SNIP1: variants seen among roughly 807,000 people sequenced by gnomAD.
SNIP1 encodes smad nuclear-interacting protein 1.
SNIP1 carries 23 observed loss-of-function variants against 37.4 expected under a neutral mutation model. The ratio of observed to expected loss-of-function variants is 0.61; its 90% CI spans 0.44 to 0.87. The LOEUF is 0.87. Ranked by LOEUF, SNIP1 falls within the 40% of genes least tolerant of loss-of-function variation. The probability of loss-of-function intolerance (pLI) is 0.00; values close to 1 mark genes in which losing one functional copy is unlikely to be tolerated. For missense variants in SNIP1, 459 were observed against 540.4 expected (o/e 0.85, Z 1.49); for synonymous variants, 174 against 200.0 (o/e 0.87, Z 1.10).
Position 37,552,733 on chromosome 1 carries a change from T to A in SNIP1, c.239A>T (p.Lys80Met). 6.2e-7 allele frequency: 1 copy of A among 1,614,094 alleles called. No individual in the cohort carries two copies. Among genetic ancestry groups the A allele is most frequent in the Non-Finnish European group, 8.5e-7 (1 of 1,179,916 alleles). Reference protein sequence around the residue: ...ARGVSRSPPKKKNKASGRRSK... With the variant: ...ARGVSRSPPKMKNKASGRRSK... Reference sequence around the variant, plus strand: ...TCTTCTCCCTGAGGCCTTGTTTTTCTTTTTGGGTGGGGACCTATTCAGAGC... The same window carrying A: ...TCTTCTCCCTGAGGCCTTGTTTTTCATTTTGGGTGGGGACCTATTCAGAGC... The change falls in exon 2 of 4, where the codon AAG (lysine) becomes ATG (methionine). Residue 80 changes from lysine to methionine, a missense_variant. Coordinates refer to ENST00000296215, the MANE Select transcript of SNIP1 (RefSeq NM_024700.4).
chr1:37,550,258 T>C (rs1483513526), intron 2 of SNIP1, among the ~76,000 whole-genome samples: 1 of 152,198 alleles, frequency 6.6e-6, no homozygotes, highest in Non-Finnish European at 1.5e-5. Context: ...TAAAAACTTT[T>C]GCTCTGAGAT....
rs199853899 is a variant in SNIP1 at position 37,537,611 on chromosome 1, A to G, written c.*137T>C. 1 of 931,246 alleles carries G rather than the reference A, an allele frequency of 1.1e-6. No individual in the cohort carries two copies. The highest frequency in any genetic ancestry group is 1.6e-6 in the Non-Finnish European group (1 of 612,980). 57.7% of individuals were successfully genotyped at this position (931,246 alleles called of 1,614,324 possible). A position where few individuals can be genotyped will look rare whatever the true frequency, so the allele number is the denominator to read the frequency against. On this transcript the variant is annotated 3_prime_UTR_variant, in exon 4 of 4. Transcript: ENST00000296215. ...AAATGGTAACACAATCTGGTCAGCA[A>G]CAGAGGAAAGACTTAAGGCAGTAAG...
Position 37,552,686 on chromosome 1 carries a change from T to C in SNIP1, c.286A>G (p.Arg96Gly). 6.2e-7 allele frequency: 1 copy of C among 1,614,234 alleles called. No homozygotes were observed. ...GRRSKSPRSKRNRSPHHSTVK... is the reference protein window; with the variant it reads ...GRRSKSPRSKGNRSPHHSTVK... ...GTTGAGTGGTGAGGACTTCGGTTTC[T>C]CTTACTGCGAGGAGACTTGCTTCTT... is the stretch of plus-strand genomic sequence containing the variant. Residue 96 changes from arginine (R) to glycine (G), a missense_variant, in exon 2 of 4, where the codon AGA becomes GGA. Transcript: ENST00000296215.
chr1:37,536,876 TTAGAA>T lies in SNIP1; in HGVS notation c.*867_*871del, dbSNP rs1436802339. The T allele has an allele frequency of 2.0e-5, 3 of 152,204 alleles. No homozygotes were observed. Among genetic ancestry groups the T allele is most frequent in the Non-Finnish European group, 2.9e-5 (2 of 68,038 alleles). 9.4% of individuals were successfully genotyped at this position (152,204 alleles called of 1,614,324 possible). On this transcript the variant is annotated 3_prime_UTR_variant, in exon 4 of 4. Transcript: ENST00000296215. ...ACCTGCTTTAGATCTATACATGTTA[TTAGAA>T]TAAAGAAAGAACGCTGTCACATCAG...
chr1:37,546,149 C>A (rs745764851), intron 2 of SNIP1, among the ~76,000 whole-genome samples: 2 of 44,560 alleles, frequency 4.5e-5, no homozygotes, highest in African/African-American at 9.4e-5. Context: ...ACTAAGACCC[C>A]CCCCCCCCCC....
Position 37,554,207 on chromosome 1 carries a change from C to T in SNIP1, c.23G>A (p.Arg8Gln). Reference protein sequence around the residue: MKAVKSERERGSRRRHRD... With the variant: MKAVKSEQERGSRRRHRD... Reference sequence around the variant, plus strand: ...GTGTCTTCGCCGGCTCCCTCGCTCCCGTTCGCTCTTCACCGCCTTCATTCT... The same window carrying T: ...GTGTCTTCGCCGGCTCCCTCGCTCCTGTTCGCTCTTCACCGCCTTCATTCT... The change falls in exon 1 of 4, where the codon CGG (arginine) becomes CAG (glutamine). Residue 8 changes from arginine to glutamine, a missense_variant. Coordinates refer to ENST00000296215, the MANE Select transcript of SNIP1 (RefSeq NM_024700.4). The T allele has an allele frequency of 5.0e-6, 8 of 1,607,418 alleles. No individual in the cohort carries two copies. The highest frequency in any genetic ancestry group is 6.8e-6 in the Non-Finnish European group (8 of 1,176,314).
chr1:37,547,995 CA>C (rs1643260005), intron 2 of SNIP1, among the ~76,000 whole-genome samples: 1 of 149,774 alleles, frequency 6.7e-6, no homozygotes, highest in Admixed American at 6.6e-5. Flanking sequence ...AAAAAAAATA[CA>C]AAAAAATTAG....
chr1:37,554,185 T>C lies in SNIP1; in HGVS notation c.45A>G (p.Arg15=). 1 of 1,611,404 alleles carries C rather than the reference T, an allele frequency of 6.2e-7. No homozygotes were observed. Among genetic ancestry groups the C allele is most frequent in the Non-Finnish European group, 8.5e-7 (1 of 1,178,428 alleles). Residue 15 remains arginine (R), a synonymous_variant, in exon 1 of 4, where the codon AGA becomes AGG. Coordinates refer to ENST00000296215, the MANE Select transcript of SNIP1 (RefSeq NM_024700.4). ...KSERERGSRR[R]HRDGDVVLPA... ...GCAGCACCACGTCCCCGTCCCGGTGTCTTCGCCGGCTCCCTCGCTCCCGTT... is the reference window on the plus strand; with the variant it reads ...GCAGCACCACGTCCCCGTCCCGGTGCCTTCGCCGGCTCCCTCGCTCCCGTT...
At chr1:37,544,446 CAAA>C (rs11374263) in intron 2 of SNIP1, among the ~76,000 whole-genome samples, 4 of 94,176 alleles carry the variant, frequency 4.2e-5, no homozygotes, top group South Asian at 3.5e-4. Context: ...GACTCTGTCT[CAAA>C]AAAAAAAAAA....
In SNIP1 at chr1:37,540,091, T is replaced by C; in HGVS notation, c.926+66A>G. On this transcript the variant is annotated intron_variant, in intron 3 of 3. Transcript: ENST00000296215. This position sits in a 1 kb window ranked among gnomAD's most constrained non-coding sequence, Gnocchi z 5.6. ...TCTTCTGCATAAACATGAACAAAAATCTTAGTAATCCTAACTGAGTGATTG... is the reference window on the plus strand; with the variant it reads ...TCTTCTGCATAAACATGAACAAAAACCTTAGTAATCCTAACTGAGTGATTG... The C allele has an allele frequency of 7.1e-7, 1 of 1,403,936 alleles. No homozygotes were observed. The allele number at this position is 1,403,936 out of a possible 1,614,324, so 87.0% of individuals were successfully genotyped here.
chr1:37,540,416 T>A lies in SNIP1; in HGVS notation c.667A>T (p.Lys223Ter). 6.2e-7 allele frequency: 1 copy of A among 1,614,136 alleles called. No homozygotes were observed. Among genetic ancestry groups the A allele is most frequent in the Non-Finnish European group, 8.5e-7 (1 of 1,180,030 alleles). ...GCCCCAGAAAGTTCAAAGCTTGGTT[T>A]TTCTTTAGCGGGCACCTCTTTTTCT... ...NKEKEVPAKE[K>*]PSFELSGALL... The change falls in exon 3 of 4, where the codon AAA (lysine) becomes TAA (stop). Residue 223 changes from lysine to a stop codon, truncating the protein, a stop_gained. Transcript: ENST00000296215. LOFTEE classifies it high-confidence loss of function. The surrounding 1 kb of genome is among the most constrained non-coding windows in gnomAD (Gnocchi z 5.6).
chr1:37,543,910 G>GC (rs1024845345), intron 2 of SNIP1, among the ~76,000 whole-genome samples: 15 of 151,410 alleles, frequency 9.9e-5, no homozygotes, highest in African/African-American at 3.2e-4. Flanking sequence ...GGAGGGCAAG[G>GC]GGGGGGGCAG....
At chr1:37,547,591 G>A (rs897623175) in intron 2 of SNIP1, among the ~76,000 whole-genome samples, 13 of 151,332 alleles carry the variant, frequency 8.6e-5, no homozygotes, top group African/African-American at 1.7e-4. Context: ...AAAATTAGCC[G>A]GGCATGGTGG....
chr1:37,550,836 T>C (rs1643292195), intron 2 of SNIP1, among the ~76,000 whole-genome samples: 1 of 150,572 alleles, frequency 6.6e-6, no homozygotes, highest in African/African-American at 2.4e-5. Context: ...TGGCTCACGC[T>C]TGTAATCCCA....
chr1:37,544,237 G>A (rs1310895027), intron 2 of SNIP1, among the ~76,000 whole-genome samples: 1 of 151,796 alleles, frequency 6.6e-6, no homozygotes, highest in Admixed American at 6.6e-5. Context: ...ACAAGGTCAG[G>A]AGTTCAAGAC....
rs1643113916 is a variant in SNIP1, at chr1:37,537,591, G to T, written c.*157C>A. The T allele has an allele frequency of 2.5e-6, 2 of 787,892 alleles. No individual in the cohort carries two copies. The highest frequency in any genetic ancestry group is 5.5e-5 in the Admixed American group (2 of 36,106). 48.8% of individuals were successfully genotyped at this position (787,892 alleles called of 1,614,324 possible). On this transcript the variant is annotated 3_prime_UTR_variant, in exon 4 of 4. Coordinates refer to ENST00000296215, the MANE Select transcript of SNIP1 (RefSeq NM_024700.4). ...AAACATTAGTCAGTGTATTCAAATG[G>T]TAACACAATCTGGTCAGCAACAGAG...
chr1:37,549,886 G>T (rs1055839295), intron 2 of SNIP1, among the ~76,000 whole-genome samples: 1 of 152,142 alleles, frequency 6.6e-6, no homozygotes, highest in Non-Finnish European at 1.5e-5. Context: ...TTGGCAGAGT[G>T]ACAGACACTG....
At chr1:37,553,098 T>C (rs367718288) in intron 1 of SNIP1, among the ~76,000 whole-genome samples, 5 of 152,290 alleles carry the variant, frequency 3.3e-5, no homozygotes, top group African/African-American at 1.2e-4. Context: ...CTACCATCAA[T>C]AACAATCCCT....
intron 1 of SNIP1, among the ~76,000 whole-genome samples, chr1:37,553,229 T>C (rs1486208516): frequency 6.6e-6 from 1 of 152,188 alleles, no homozygotes; most frequent in Non-Finnish European, 1.5e-5. Context: ...CTACTTCAGG[T>C]TCTTTGCAGA....
Sources: allele counts gnomAD v4.1 joint callset (sites outside exome capture counted in the v4.1 genomes callset), GRCh38; gene constraint gnomAD v4.1.1; non-coding constraint Gnocchi (gnomAD v3.1); transcripts MANE v1.5; gene names NCBI Gene and HGNC (gene_info 2026-07-23, HGNC 2026-07-21).